The following ISY1 variants were observed in gnomAD, a reference collection of about 807,000 sequenced individuals.
ISY1 encodes the protein ISY1 spliceosome associated protein, also known as pre-mRNA-splicing factor ISY1 homolog.
In ISY1, 12 loss-of-function variants were observed where a neutral mutation model predicts 54.4. That is an observed-to-expected ratio of 0.22 (90% CI 0.14 to 0.36). ISY1 has a LOEUF of 0.36. Among genes scored for constraint, ISY1 ranks in the 10% least tolerant of loss-of-function variants. ISY1 has a pLI of 1.00. For missense variants in ISY1, 282 were observed against 342.2 expected (o/e 0.82, Z 1.39); for synonymous variants, 96 against 117.9 (o/e 0.81, Z 1.20).
Position 129,130,646 on chromosome 3 carries a change from G to C in ISY1, c.664-10C>G. The stretch of plus-strand genomic sequence containing the variant: ...TGCCTTCCTCGTCCGACTACAAACA[G>C]AACAAACGAAAGTCCATCAGTAGGC... On this transcript the variant is annotated splice_polypyrimidine_tract_variant and intron_variant, in intron 9 of 10. Coordinates refer to ENST00000393295, the MANE Select transcript of ISY1 (RefSeq NM_020701.4). 1 of 1,613,612 alleles carries C rather than the reference G, an allele frequency of 6.2e-7. No homozygotes were observed. The highest frequency in any genetic ancestry group is 8.5e-7 in the Non-Finnish European group (1 of 1,179,802).
At chr3:129,160,815 A>C (rs1167860527) in intron 1 of ISY1, among the ~76,000 whole-genome samples, 158 bp downstream of exon 1, 6 of 152,180 alleles carry the variant, frequency 3.9e-5, no homozygotes, top group Non-Finnish European at 8.8e-5. Flanking sequence ...TGTGACAGCT[A>C]ATGGAGGCAG....
At chr3:129,151,526 G>A (rs1268847164) in intron 5 of ISY1, among the ~76,000 whole-genome samples, 1 of 151,984 alleles carries the variant, frequency 6.6e-6, no homozygotes, top group Non-Finnish European at 1.5e-5. Flanking sequence ...CTACTCAGGA[G>A]GCTGAGGCAG....
At chr3:129,149,610 AATATATATATATAT>A (rs1199049568) in intron 5 of ISY1, among the ~76,000 whole-genome samples, 1 of 24,630 alleles carries the variant, frequency 4.1e-5, no homozygotes, top group African/African-American at 1.2e-4. Context: ...AAAAAAAAAA[AATATATATATATAT>A]ATATATATAT....
intron 6 of ISY1, among the ~76,000 whole-genome samples, chr3:129,143,406 T>G (rs1291311041): frequency 6.8e-6 from 1 of 147,782 alleles, no homozygotes; most frequent in African/African-American, 2.5e-5. Context: ...CTCTGGAGGC[T>G]GGGGCACAAG....
chr3:129,130,021 CCTGGGTCCTGAGGTACCA>C lies in ISY1; in HGVS notation c.*42_*59del. On this transcript the variant is annotated 3_prime_UTR_variant, in exon 11 of 11. Coordinates refer to ENST00000393295, the MANE Select transcript of ISY1 (RefSeq NM_020701.4). ...TGCAGCACCAGCCTGTGTCTGCAGCCCTGGGTCCTGAGGTACCACTGGGGGATGGAAGAACTCCAAGGA... is the reference window on the plus strand; with the variant it reads ...TGCAGCACCAGCCTGTGTCTGCAGCCCTGGGGGATGGAAGAACTCCAAGGA... 7.4e-7 allele frequency: 1 copy of C among 1,354,078 alleles called. No homozygotes were observed. Among genetic ancestry groups the C allele is most frequent in the Non-Finnish European group, 1.0e-6 (1 of 992,908 alleles). The allele number at this position is 1,354,078 out of a possible 1,614,324, so 83.9% of individuals were successfully genotyped here.
intron 6 of ISY1, 33 bp from the exon 7 acceptor site, chr3:129,140,518 T>TGTCA: frequency 6.4e-7 from 1 of 1,563,428 alleles, no homozygotes; most frequent in Non-Finnish European, 8.7e-7. Context: ...AAAATGGATC[T>TGTCA]GTTAGTTAGT....
chr3:129,142,148 T>C (rs1162720123), intron 6 of ISY1, among the ~76,000 whole-genome samples: 2 of 144,964 alleles, frequency 1.4e-5, no homozygotes, highest in Non-Finnish European at 3.0e-5. Context: ...GAGGTTAGGG[T>C]GAGCTGAGAT....
chr3:129,134,163 C>G lies in ISY1; in HGVS notation c.574G>C (p.Glu192Gln). 4 of 1,614,214 alleles carry G rather than the reference C, an allele frequency of 2.5e-6. No individual in the cohort carries two copies. The highest frequency in any genetic ancestry group is 3.4e-6 in the Non-Finnish European group (4 of 1,180,044). ...RAELVEKWKA[E>Q]REARLARGEK... ...CCTCTTGCCAGCCGAGCCTCTCTCTCTGCTTTCCACTTTTCCACTAACTCG... is the reference window on the plus strand; with the variant it reads ...CCTCTTGCCAGCCGAGCCTCTCTCTGTGCTTTCCACTTTTCCACTAACTCG... Residue 192 changes from glutamate (E) to glutamine (Q), a missense_variant, in exon 9 of 11, where the codon GAG becomes CAG. This residue lies in a region of ISY1 where 279 missense variants were observed against 323.6 expected (regional missense o/e 0.86). Transcript: ENST00000393295.
intron 1 of ISY1, 43 bp downstream of exon 1, chr3:129,160,922 CCCCGCCCG>C (rs1202356825): frequency 6.8e-6 from 4 of 586,760 alleles, no homozygotes; most frequent in Non-Finnish European, 9.5e-6. Context: ...CTGGGCGCCC[CCCCGCCCG>C]CCCGCCCATC....
rs144919165 is a variant in ISY1, at chr3:129,145,579, G to A, written c.300+182C>T. Among the ~76,000 whole-genome samples the A allele has an allele frequency of 4.4e-4, 67 of 152,254 alleles. 4 individuals are homozygous for A. The East Asian group carries it at 0.013, about 29-fold the overall frequency. The stretch of plus-strand genomic sequence containing the variant: ...TGAAGCAGCTTCCACAAGGCCTTCT[G>A]GCTGGTACATACAGATGCCCCGTCT... On this transcript the variant is annotated intron_variant, in intron 6 of 10. Transcript: ENST00000393295.
chr3:129,135,440 T>C (rs889423780), intron 7 of ISY1, among the ~76,000 whole-genome samples: 4 of 152,070 alleles, frequency 2.6e-5, no homozygotes, highest in South Asian at 2.1e-4. Flanking sequence ...CTTGGACCCA[T>C]TTGTCCGTTT....
At chr3:129,135,017 C>A in intron 7 of ISY1, 63 bp from the exon 8 acceptor site, 1 of 1,537,654 alleles carries the variant, frequency 6.5e-7, no homozygotes, top group Non-Finnish European at 8.8e-7. Flanking sequence ...GAAGCTGTCT[C>A]CTGATGCAAC....
At chr3:129,149,168 A>C (rs1302560217) in intron 5 of ISY1, among the ~76,000 whole-genome samples, 1 of 151,914 alleles carries the variant, frequency 6.6e-6, no homozygotes, top group Non-Finnish European at 1.5e-5. Flanking sequence ...ACAGTGGCTC[A>C]CACCTGTAAT....
intron 6 of ISY1, among the ~76,000 whole-genome samples, chr3:129,140,869 G>A (rs943725082): frequency 1.3e-5 from 2 of 151,456 alleles, no homozygotes; most frequent in African/African-American, 4.8e-5. Context: ...GCGCCTGGCA[G>A]ATCTGATCTT....
At chr3:129,143,087 C>T (rs1288459081) in intron 6 of ISY1, among the ~76,000 whole-genome samples, 2 of 151,556 alleles carry the variant, frequency 1.3e-5, no homozygotes, top group Non-Finnish European at 2.9e-5. Context: ...TGGTGGCACA[C>T]ACCTGTCATC....
chr3:129,134,676 C>A (rs945389348), intron 8 of ISY1, among the ~76,000 whole-genome samples, 156 bp downstream of exon 8: 12 of 152,200 alleles, frequency 7.9e-5, no homozygotes, highest in African/African-American at 2.9e-4. Context: ...GACTGCCTCA[C>A]AGGGGTCAGG....
intron 7 of ISY1, 90 bp downstream of exon 7, chr3:129,140,278 A>G (rs972136578): frequency 8.5e-7 from 1 of 1,182,330 alleles, no homozygotes; most frequent in Non-Finnish European, 1.2e-6. Context: ...TATGCAACTA[A>G]GAAAAAAAAG....
At chr3:129,140,554 T>C (rs1156775585) in intron 6 of ISY1, 69 bp from the exon 7 acceptor site, 2 of 1,474,816 alleles carry the variant, frequency 1.4e-6, no homozygotes, top group Non-Finnish European at 1.8e-6. Context: ...TATTTATTTA[T>C]TTGAGGCGGA....
chr3:129,160,993 C>T lies in ISY1; in HGVS notation c.-18G>A, dbSNP rs1417529146. ...CTCACCATGGTGTCGCTAAGGGCGC[C>T]GTCCTGGAGCCCCGCGGCCCCTGTC... On this transcript the variant is annotated 5_prime_UTR_variant, in exon 1 of 11. Transcript: ENST00000393295. 1 of 1,510,998 alleles carries T rather than the reference C, an allele frequency of 6.6e-7. No individual in the cohort carries two copies. Among genetic ancestry groups the T allele is most frequent in the Admixed American group, 2.0e-5 (1 of 48,942 alleles). The allele number at this position is 1,510,998 out of a possible 1,614,324, so 93.6% of individuals were successfully genotyped here.
Sources: gnomAD v4.1 joint callset for allele counts (sites outside exome capture counted in the v4.1 genomes callset) on GRCh38, gnomAD v4.1.1 for gene constraint, gnomAD v4.1.1 regional missense constraint, MANE v1.5 for transcripts, NCBI Gene and HGNC (gene_info 2026-07-23, HGNC 2026-07-21) for gene names.